The following NEK10 variants were observed in gnomAD, a reference collection of about 807,000 sequenced individuals.
NEK10 encodes the protein serine/threonine-protein kinase Nek10.
Under a neutral mutation model 159.8 loss-of-function variants are expected in NEK10, and 122 were observed. The observed-to-expected ratio is 0.76, with a 90% confidence interval of 0.66 to 0.89. NEK10 has a LOEUF of 0.89. Among genes scored for constraint, NEK10 ranks in the 40% least tolerant of loss-of-function variants. The pLI, the probability that NEK10 is intolerant of heterozygous loss-of-function variation, is 0.00. For synonymous variants in NEK10, 466 were observed against 457.1 expected (o/e 1.02, Z -0.25); for missense variants, 1,342 against 1,323.1 (o/e 1.01, Z -0.22).
chr3:27,246,975 T>G (rs1955136284), intron 23 of NEK10, among the ~76,000 whole-genome samples: 1 of 152,212 alleles, frequency 6.6e-6, no homozygotes, highest in African/African-American at 2.4e-5. Context: ...TTACTAAATT[T>G]GTTGATCAGT....
chr3:27,284,237 T>C (rs2042410023), intron 22 of NEK10, among the ~76,000 whole-genome samples: 2 of 151,740 alleles, frequency 1.3e-5, no homozygotes, highest in African/African-American at 4.8e-5. Context: ...AATACAAAAT[T>C]AGGTGGGCAT....
chr3:27,171,691 C>A, intron 29 of NEK10, 128 bp downstream of exon 29: 1 of 847,112 alleles, frequency 1.2e-6, no homozygotes, highest in Non-Finnish European at 1.8e-6. Flanking sequence ...CAGTTCTGGG[C>A]AAGTAAGCTC....
intron 30 of NEK10, among the ~76,000 whole-genome samples, chr3:27,155,518 A>AAAATAAAATAAAATC (rs770959508): frequency 1.2e-5 from 1 of 82,044 alleles, no homozygotes; most frequent in African/African-American, 3.9e-5. Flanking sequence ...TAAATAAAAT[A>AAAATAAAATAAAATC]AAATAAAATA....
At chr3:27,347,336 C>T (rs2047629071) in intron 3 of NEK10, among the ~76,000 whole-genome samples, 1 of 151,634 alleles carries the variant, frequency 6.6e-6, no homozygotes, top group South Asian at 2.1e-4. Flanking sequence ...AAACCCGTCT[C>T]TATTAAAAAT....
At chr3:27,368,328 T>C (rs1293152669) in intron 1 of NEK10, among the ~76,000 whole-genome samples, 1 of 142,368 alleles carries the variant, frequency 7.0e-6, no homozygotes, top group Non-Finnish European at 1.5e-5. Context: ...CATATATATA[T>C]ATATACACAT....
rs1485389466 is a variant in NEK10 at position 27,114,889 on chromosome 3, TCAAC to T, written c.3299+1047_3299+1050del. ...GCTATGAGTAGGCTCCTTAGGTAAGTCAACAGACAACTCTTGTGTAGCAGACATT... is the reference window on the plus strand; with the variant it reads ...GCTATGAGTAGGCTCCTTAGGTAAGTAGACAACTCTTGTGTAGCAGACATT... On this transcript the variant is annotated intron_variant, in intron 35 of 35. Transcript: ENST00000691995. Among the ~76,000 whole-genome samples the T allele has an allele frequency of 3.3e-5, 5 of 152,292 alleles. No individual in the cohort carries two copies. In the East Asian group the frequency reaches 9.6e-4, roughly 29 times the overall value.
intron 23 of NEK10, among the ~76,000 whole-genome samples, chr3:27,234,828 C>A (rs945826573): frequency 6.6e-6 from 1 of 152,066 alleles, no homozygotes; most frequent in Non-Finnish European, 1.5e-5. Context: ...GCAAAAAGAA[C>A]AAAGCTGCAG....
intron 4 of NEK10, among the ~76,000 whole-genome samples, chr3:27,345,622 A>G (rs1054448639): frequency 1.1e-4 from 16 of 152,316 alleles, no homozygotes; most frequent in African/African-American, 3.8e-4. Context: ...GCTTGGCAAC[A>G]GAGATGAACA....
At chr3:27,307,828 C>T in intron 11 of NEK10, 31 bp downstream of exon 11, 1 of 990,800 alleles carries the variant, frequency 1.0e-6, no homozygotes, top group Non-Finnish European at 1.6e-6. Context: ...AAAGGCACTG[C>T]ATTGTCTTTT....
At chr3:27,128,588 T>A (rs1345071225) in intron 32 of NEK10, among the ~76,000 whole-genome samples, 1 of 152,138 alleles carries the variant, frequency 6.6e-6, no homozygotes, top group African/African-American at 2.4e-5. Flanking sequence ...CAATTTTCAA[T>A]ATAATAAGCT....
At chr3:27,324,995 T>C (rs541915925) in intron 5 of NEK10, among the ~76,000 whole-genome samples, 1 of 152,296 alleles carries the variant, frequency 6.6e-6, no homozygotes, top group South Asian at 2.1e-4. Context: ...TGGAACCTCA[T>C]AAAGAATTTG....
chr3:27,181,191 T>C (rs2148917961), intron 26 of NEK10, among the ~76,000 whole-genome samples: 2 of 152,314 alleles, frequency 1.3e-5, no homozygotes, highest in Middle Eastern at 6.8e-3. Context: ...GTATAACTTT[T>C]AACTTTCTAA....
intron 22 of NEK10, among the ~76,000 whole-genome samples, chr3:27,268,814 C>T (rs1049179970): frequency 1.3e-5 from 2 of 152,116 alleles, no homozygotes; most frequent in Non-Finnish European, 2.9e-5. Context: ...GCTATAGCTG[C>T]CATAGATAGT....
chr3:27,125,728 C>T (rs1421619693), intron 32 of NEK10, among the ~76,000 whole-genome samples: 1 of 152,150 alleles, frequency 6.6e-6, no homozygotes, highest in Non-Finnish European at 1.5e-5. Context: ...ACCACACTTT[C>T]TAAGCCCCAG....
At chr3:27,161,567 C>A (rs1259838693) in intron 30 of NEK10, among the ~76,000 whole-genome samples, 1 of 152,234 alleles carries the variant, frequency 6.6e-6, no homozygotes, top group Non-Finnish European at 1.5e-5. Flanking sequence ...TATGCTCACA[C>A]ATATGATAAA....
intron 16 of NEK10, among the ~76,000 whole-genome samples, chr3:27,292,210 T>G (rs1164550674): frequency 6.6e-6 from 1 of 152,096 alleles, no homozygotes; most frequent in African/African-American, 2.4e-5. Context: ...TTACCATAAT[T>G]TAAAATTAGA....
chr3:27,130,752 T>G (rs932543917), intron 32 of NEK10, among the ~76,000 whole-genome samples: 5 of 152,202 alleles, frequency 3.3e-5, no homozygotes, highest in South Asian at 2.1e-4. Flanking sequence ...AGCTTTTATC[T>G]TTTAAAAATG....
chr3:27,258,351 C>T (rs1956435368), intron 22 of NEK10, among the ~76,000 whole-genome samples: 1 of 150,450 alleles, frequency 6.6e-6, no homozygotes, highest in Non-Finnish European at 1.5e-5. Flanking sequence ...GGTATATCTC[C>T]AAATGCTATC....
At chr3:27,146,201 G>C (rs1944282376) in intron 30 of NEK10, among the ~76,000 whole-genome samples, 1 of 152,148 alleles carries the variant, frequency 6.6e-6, no homozygotes, top group Admixed American at 6.6e-5. Context: ...AAATAGCCAA[G>C]TTAGTTGCCC....
Sources: allele counts gnomAD v4.1 joint callset (sites outside exome capture counted in the v4.1 genomes callset), GRCh38; gene constraint gnomAD v4.1.1; transcripts MANE v1.5; gene names NCBI Gene and HGNC (gene_info 2026-07-23, HGNC 2026-07-21).